Variants in SPIDR observed in about 807,000 individuals in gnomAD.
SPIDR encodes the protein DNA repair-scaffolding protein.
SPIDR carries 93 observed loss-of-function variants against 104.6 expected under a neutral mutation model. That is an observed-to-expected ratio of 0.89 (90% CI 0.75 to 1.06). SPIDR has a LOEUF of 1.06. Ranked by LOEUF, SPIDR falls within the 50% of genes least tolerant of loss-of-function variation. SPIDR has a pLI of 0.00. For missense variants in SPIDR, 1,154 were observed against 1,111.2 expected, an observed-to-expected ratio of 1.04 and a Z score of -0.55; for synonymous variants, 431 against 416.9, an observed-to-expected ratio of 1.03 and a Z score of -0.41.
intron 8 of SPIDR, among the ~76,000 whole-genome samples, chr8:47,533,264 A>C (rs2086323036): frequency 6.6e-6 from 1 of 152,138 alleles, no homozygotes; most frequent in Non-Finnish European, 1.5e-5. Flanking sequence ...AAGATAATAA[A>C]AATTCTCAAC....
At chr8:47,550,211 C>T (rs936766804) in intron 8 of SPIDR, among the ~76,000 whole-genome samples, 1 of 152,182 alleles carries the variant, frequency 6.6e-6, no homozygotes, top group African/African-American at 2.4e-5. Context: ...ATACCTCCAG[C>T]TTTGGTGATT....
At chr8:47,547,589 C>G (rs950948072) in intron 8 of SPIDR, among the ~76,000 whole-genome samples, 3 of 151,288 alleles carry the variant, frequency 2.0e-5, no homozygotes, top group Non-Finnish European at 4.4e-5. Flanking sequence ...CCCACCACCA[C>G]GCCCAGCTAA....
Position 47,512,092 on chromosome 8 carries a change from G to C in SPIDR, c.1097+71550G>C. The C allele has an allele frequency of 7.2e-6, 4 of 555,436 alleles. No homozygotes were observed. In the South Asian group the frequency reaches 7.5e-5, roughly 10 times the overall value. 34.4% of individuals were successfully genotyped at this position (555,436 alleles called of 1,614,324 possible). On this transcript the variant is annotated intron_variant, in intron 8 of 19. Transcript: ENST00000297423. ...GAAGAAGCAGGCCCGGTCCTGCTCA[G>C]TGCCCATCACCACCACGAACTCTCT...
chr8:47,684,544 A>G (rs1025405749), intron 11 of SPIDR, among the ~76,000 whole-genome samples: 1 of 152,226 alleles, frequency 6.6e-6, no homozygotes, highest in Non-Finnish European at 1.5e-5. Flanking sequence ...ACAAGGATAA[A>G]TCTACTTCCA....
intron 8 of SPIDR, among the ~76,000 whole-genome samples, chr8:47,556,951 C>G (rs759036802): frequency 6.6e-6 from 1 of 152,030 alleles, no homozygotes; most frequent in Non-Finnish European, 1.5e-5. Flanking sequence ...CACTTTGCTA[C>G]TTTTTGCTTT....
At chr8:47,536,193 AATGTTATTAAG>A (rs1294563165) in intron 8 of SPIDR, among the ~76,000 whole-genome samples, 1 of 152,118 alleles carries the variant, frequency 6.6e-6, no homozygotes, top group Non-Finnish European at 1.5e-5. Flanking sequence ...AAGAAGACTC[AATGTTATTAAG>A]ATGTCAGTTC....
chr8:47,640,755 G>A (rs1489327828), intron 10 of SPIDR, among the ~76,000 whole-genome samples: 1 of 140,660 alleles, frequency 7.1e-6, no homozygotes, highest in Non-Finnish European at 1.5e-5. Flanking sequence ...TCAGCTCTCT[G>A]CAACCTCCAC....
At chr8:47,591,742 G>A (rs2061034239) in intron 8 of SPIDR, among the ~76,000 whole-genome samples, 1 of 151,874 alleles carries the variant, frequency 6.6e-6, no homozygotes, top group East Asian at 1.9e-4. Flanking sequence ...CACCAAAAAA[G>A]GGGGAAAGGA....
At chr8:47,365,191 A>G (rs1343753857) in intron 5 of SPIDR, among the ~76,000 whole-genome samples, 2 of 152,156 alleles carry the variant, frequency 1.3e-5, no homozygotes, top group Non-Finnish European at 2.9e-5. Flanking sequence ...AATCCGCCCT[A>G]TTCCTGGACT....
chr8:47,489,904 A>G (rs956920721), intron 8 of SPIDR, among the ~76,000 whole-genome samples: 3 of 152,116 alleles, frequency 2.0e-5, no homozygotes, highest in Non-Finnish European at 4.4e-5. Context: ...AAACCCTAGA[A>G]GAAAACCTAG....
In SPIDR at chr8:47,720,624, G is replaced by A. The variant is rs1000803759; in HGVS notation, c.2342-6576G>A. Among the ~76,000 whole-genome samples the A allele has an allele frequency of 4.6e-5, 7 of 152,010 alleles. No homozygotes were observed. The South Asian group carries it at 6.2e-4, about 14-fold the overall frequency. On this transcript the variant is annotated intron_variant, in intron 16 of 19. Coordinates refer to ENST00000297423, the MANE Select transcript of SPIDR (RefSeq NM_001080394.4). The stretch of plus-strand genomic sequence containing the variant: ...TATTTGTCAACCTCTTTGATGATTT[G>A]TCTGTTCAAATCATTTGCCCATTTT...
intron 8 of SPIDR, among the ~76,000 whole-genome samples, chr8:47,595,124 A>C (rs568335292): frequency 5.1e-4 from 78 of 152,110 alleles, no homozygotes; most frequent in Non-Finnish European, 9.4e-4. Context: ...TCTTATGTTT[A>C]CTTTACATAT....
chr8:47,599,185 A>G lies in SPIDR; in HGVS notation c.1533A>G (p.Pro511=), dbSNP rs2306928. 6.6e-5 allele frequency: 107 copies of G among 1,613,614 alleles called. 1 individual carries two copies. In the East Asian group the frequency reaches 2.3e-3, roughly 35 times the overall value. The change falls in exon 10 of 20, where the codon CCA becomes CCG. Residue 511 remains proline, a synonymous_variant. Transcript: ENST00000297423. Reference sequence around the variant, plus strand: ...GGGCCAGCTCAGGACACACAGACCCAGCTGGAACTCGGTGAGTGCCAAGAT... The same window carrying G: ...GGGCCAGCTCAGGACACACAGACCCGGCTGGAACTCGGTGAGTGCCAAGAT... ...QQGASSGHTD[P]AGTRACLLVQ... is the part of the protein sequence containing the mutation.
At chr8:47,592,599 G>A (rs566382865) in intron 8 of SPIDR, 3 of 1,217,644 alleles carry the variant, frequency 2.5e-6, no homozygotes, top group African/African-American at 1.5e-5. Flanking sequence ...CTGCGGGGCA[G>A]CCCTGCCATC....
At chr8:47,705,469 A>G (rs932526628) in intron 14 of SPIDR, among the ~76,000 whole-genome samples, 1 of 152,260 alleles carries the variant, frequency 6.6e-6, no homozygotes, top group African/African-American at 2.4e-5. Context: ...AAGAATCACC[A>G]GAAACCAGCT....
intron 8 of SPIDR, among the ~76,000 whole-genome samples, chr8:47,538,819 T>C (rs929881684): frequency 6.6e-5 from 10 of 151,796 alleles, no homozygotes; most frequent in Admixed American, 2.6e-4. Context: ...GAAATGATTA[T>C]TGTGGGATAT....
At chr8:47,625,366 A>G (rs1331193546) in intron 10 of SPIDR, among the ~76,000 whole-genome samples, 1 of 152,162 alleles carries the variant, frequency 6.6e-6, no homozygotes, top group Non-Finnish European at 1.5e-5. Flanking sequence ...TATTCAACAT[A>G]GTGTTGGAAG....
intron 8 of SPIDR, among the ~76,000 whole-genome samples, chr8:47,503,170 G>A (rs1204433548): frequency 6.6e-6 from 1 of 152,190 alleles, no homozygotes; most frequent in Non-Finnish European, 1.5e-5. Flanking sequence ...GTGCAGAACT[G>A]AGTTCAATTC....
intron 5 of SPIDR, among the ~76,000 whole-genome samples, chr8:47,396,118 A>G (rs2061219490): frequency 6.6e-6 from 1 of 152,182 alleles, no homozygotes; most frequent in African/African-American, 2.4e-5. Context: ...CTGAAAGAAG[A>G]TTGAAGTATT....
Sources: gnomAD v4.1 joint callset for allele counts (sites outside exome capture counted in the v4.1 genomes callset) on GRCh38, gnomAD v4.1.1 for gene constraint, MANE v1.5 for transcripts, NCBI Gene and HGNC (gene_info 2026-07-23, HGNC 2026-07-21) for gene names.